ELP1: variants seen among roughly 807,000 people sequenced by gnomAD.
The protein encoded by ELP1 is elongator complex protein 1.
In ELP1, 131 loss-of-function variants were observed where a neutral mutation model predicts 183.2. That is an observed-to-expected ratio of 0.72 (90% CI 0.62 to 0.83). The LOEUF (loss-of-function observed/expected upper bound fraction) is 0.83, where lower values mean the gene tolerates loss of function less well. ELP1 is among the 40% of genes least tolerant of loss of function. The pLI is 0.00. For synonymous variants in ELP1, 555 were observed against 569.0 expected, an observed-to-expected ratio of 0.98 and a Z score of 0.35; for missense variants, 1,550 against 1,594.9, an observed-to-expected ratio of 0.97 and a Z score of 0.48.
chr9:108,901,112 T>TGG (rs1356285242), intron 18 of ELP1, among the ~76,000 whole-genome samples: 2 of 152,074 alleles, frequency 1.3e-5, no homozygotes, highest in Non-Finnish European at 2.9e-5. Flanking sequence ...GGTAAAACAT[T>TGG]GGGGATCTAC....
intron 1 of ELP1, among the ~76,000 whole-genome samples, chr9:108,932,031 G>T (rs548307815): frequency 6.6e-6 from 1 of 152,250 alleles, no homozygotes; most frequent in African/African-American, 2.4e-5. Flanking sequence ...ATGATTGTAA[G>T]TCCCTAACTT....
In ELP1 at chr9:108,897,216, A is replaced by G. The variant is rs1361966261; in HGVS notation, c.2433T>C (p.Pro811=). The change falls in exon 23 of 37, where the codon CCT becomes CCC. Residue 811 remains proline (P), a synonymous_variant. Coordinates refer to ENST00000374647, the MANE Select transcript of ELP1 (RefSeq NM_003640.5). ...VTSSVYLSRD[P]DGNKIDLVCD... Reference sequence around the variant, plus strand: ...AGACAAGGTCTATTTTATTCCCGTCAGGATCCCTGGACAGGTAGACACTGC... The same window carrying G: ...AGACAAGGTCTATTTTATTCCCGTCGGGATCCCTGGACAGGTAGACACTGC... The G allele has an allele frequency of 6.2e-7, 1 of 1,614,150 alleles. No homozygotes were observed. The highest frequency in any genetic ancestry group is 1.7e-5 in the Admixed American group (1 of 60,030).
At chr9:108,913,163 A>G (rs1430526636) in intron 10 of ELP1, among the ~76,000 whole-genome samples, 1 of 152,230 alleles carries the variant, frequency 6.6e-6, no homozygotes, top group Admixed American at 6.5e-5. Context: ...ATTTAGGAAG[A>G]AGATAACTTG....
At chr9:108,895,929 T>C (rs189831053) in intron 25 of ELP1, among the ~76,000 whole-genome samples, 15 of 152,248 alleles carry the variant, frequency 9.9e-5, no homozygotes, top group Non-Finnish European at 1.8e-4. Flanking sequence ...GAGAAGAAAT[T>C]AGCTCACACA....
In ELP1 at chr9:108,931,174, C is replaced by A; in HGVS notation, c.-28G>T. The A allele has an allele frequency of 1.9e-6, 3 of 1,607,572 alleles. No homozygotes were observed. ...TGAAGTGATTCCCACGAGACAAGTACAACTATCCCTTGATGAATCATTAAT... is the reference window on the plus strand; with the variant it reads ...TGAAGTGATTCCCACGAGACAAGTAAAACTATCCCTTGATGAATCATTAAT... On this transcript the variant is annotated 5_prime_UTR_variant, in exon 2 of 37. Coordinates refer to ENST00000374647, the MANE Select transcript of ELP1 (RefSeq NM_003640.5).
Position 108,904,730 on chromosome 9 carries a change from C to G in ELP1, c.1644-1061G>C, listed in dbSNP as rs562713285. Among the ~76,000 whole-genome samples the G allele has an allele frequency of 3.9e-5, 6 of 152,280 alleles. No individual in the cohort carries two copies. In the South Asian group the frequency reaches 1.2e-3, roughly 32 times the overall value. On this transcript the variant is annotated intron_variant, in intron 14 of 36. Coordinates refer to ENST00000374647, the MANE Select transcript of ELP1 (RefSeq NM_003640.5). ...AAAATGATGGTGCAAATGGCATATA[C>G]TTTACAGAGGTATTATGAGAAATAA...
chr9:108,912,880 G>A (rs1035890950), intron 10 of ELP1, among the ~76,000 whole-genome samples: 3 of 149,718 alleles, frequency 2.0e-5, no homozygotes, highest in South Asian at 4.2e-4. Flanking sequence ...TCAGCCTCTC[G>A]AGTAGCTAGG....
At chr9:108,929,576 A>G (rs1829930749) in intron 3 of ELP1, among the ~76,000 whole-genome samples, 193 bp downstream of exon 3, 1 of 152,228 alleles carries the variant, frequency 6.6e-6, no homozygotes, top group African/African-American at 2.4e-5. Flanking sequence ...AGCAGACAAA[A>G]CTCAGTTTTA....
chr9:108,880,090 ACT>A lies in ELP1; in HGVS notation c.3420_3421del (p.Val1141SerfsTer14), dbSNP rs1384038684. On this transcript the variant is annotated frameshift_variant, in exon 32 of 37. Coordinates refer to ENST00000374647, the MANE Select transcript of ELP1 (RefSeq NM_003640.5). LOFTEE classifies it high-confidence loss of function. ...CTGGGCTTGCTCCTTGAGCTCTCGA[ACT>A]ACCAATAAACGTTTCTTGTGGCGAC... 1 of 1,614,056 alleles carries A rather than the reference ACT, an allele frequency of 6.2e-7. No homozygotes were observed. The highest frequency in any genetic ancestry group is 1.3e-5 in the African/African-American group (1 of 74,940).
chr9:108,903,789 T>A, intron 14 of ELP1, 120 bp from the exon 15 acceptor site: 1 of 727,692 alleles, frequency 1.4e-6, no homozygotes, highest in Non-Finnish European at 2.5e-6. Flanking sequence ...TTCAATACAA[T>A]GTAGACAAAA....
In ELP1 at chr9:108,919,254, T is replaced by C; in HGVS notation, c.648A>G (p.Thr216=). 1 of 1,607,298 alleles carries C rather than the reference T, an allele frequency of 6.2e-7. No individual in the cohort carries two copies. Among genetic ancestry groups the C allele is most frequent in the Non-Finnish European group, 8.5e-7 (1 of 1,173,906 alleles). ...TTTAACTGCAATATATTTCCATACC[T>C]GTTTCTGGGCAAACAACACTCACAG... ...FFAVSVVCPE[T]GARKVRVWNR... The change falls in exon 7 of 37, where the codon ACA becomes ACG. Residue 216 remains threonine, a splice_region_variant and synonymous_variant. Coordinates refer to ENST00000374647, the MANE Select transcript of ELP1 (RefSeq NM_003640.5).
chr9:108,906,165 T>C (rs1829010661), intron 14 of ELP1, 138 bp downstream of exon 14: 1 of 796,810 alleles, frequency 1.3e-6, no homozygotes, highest in Non-Finnish European at 2.1e-6. Context: ...AGACTTAACC[T>C]TCTTGTTAAG....
chr9:108,905,868 T>TATAC (rs1232191680), intron 14 of ELP1, among the ~76,000 whole-genome samples: 27 of 147,954 alleles, frequency 1.8e-4, no homozygotes, highest in Non-Finnish European at 3.1e-4. Context: ...AAGGTATGTA[T>TATAC]ACACACACAC....
chr9:108,895,494 G>A (rs765250989), intron 25 of ELP1, among the ~76,000 whole-genome samples: 2 of 152,112 alleles, frequency 1.3e-5, no homozygotes, highest in Non-Finnish European at 2.9e-5. Flanking sequence ...GTGGTGAGGG[G>A]CAAGGGAAGG....
chr9:108,899,457 C>T (rs923968810), intron 20 of ELP1, among the ~76,000 whole-genome samples: 5 of 152,064 alleles, frequency 3.3e-5, no homozygotes, highest in South Asian at 2.1e-4. Flanking sequence ...TCATAGGCCC[C>T]GCTGTAAATC....
At chr9:108,872,310 A>G (rs1037567010) in intron 36 of ELP1, among the ~76,000 whole-genome samples, 1 of 152,216 alleles carries the variant, frequency 6.6e-6, no homozygotes, top group Middle Eastern at 3.2e-3. Flanking sequence ...TTATTACAGT[A>G]GTGCAGTACA....
At chr9:108,926,071 CT>C (rs1322425949) in intron 5 of ELP1, among the ~76,000 whole-genome samples, 1 of 152,184 alleles carries the variant, frequency 6.6e-6, no homozygotes, top group Non-Finnish European at 1.5e-5. Flanking sequence ...CTGCACTGCC[CT>C]TCAATACCCC....
At chr9:108,874,861 A>T in intron 36 of ELP1, 34 bp downstream of exon 36, 1 of 1,315,850 alleles carries the variant, frequency 7.6e-7, no homozygotes, top group Non-Finnish European at 1.1e-6. Flanking sequence ...CCTTCTGCTT[A>T]GTATTGTAAT....
At chr9:108,904,245 ATTTTTTTT>A (rs57450962) in intron 14 of ELP1, among the ~76,000 whole-genome samples, 2 of 132,444 alleles carry the variant, frequency 1.5e-5, no homozygotes, top group African/African-American at 2.8e-5. Flanking sequence ...AAATTTCACT[ATTTTTTTT>A]TTTTTTTTTG....
Sources: allele counts gnomAD v4.1 joint callset (sites outside exome capture counted in the v4.1 genomes callset), GRCh38; gene constraint gnomAD v4.1.1; transcripts MANE v1.5; gene names NCBI Gene and HGNC (gene_info 2026-07-23, HGNC 2026-07-21).